The following AGBL1 variants were observed in gnomAD, a reference collection of about 807,000 sequenced individuals.
AGBL1 encodes the protein cytosolic carboxypeptidase 4.
AGBL1 carries 130 observed loss-of-function variants against 118.9 expected under a neutral mutation model. The observed-to-expected ratio is 1.09, with a 90% CI of 0.95 to 1.26. AGBL1 has a LOEUF of 1.26. AGBL1 is among the 50% of genes most tolerant of loss of function. The pLI is 0.00. For missense variants in AGBL1, 1,584 were observed against 1,298.1 expected, an observed-to-expected ratio of 1.22 and a Z score of -3.38; for synonymous variants, 555 against 478.9, an observed-to-expected ratio of 1.16 and a Z score of -2.08.
chr15:86,722,103 T>C (rs555614092), intron 22 of AGBL1, among the ~76,000 whole-genome samples: 23 of 152,210 alleles, frequency 1.5e-4, no homozygotes, highest in African/African-American at 4.8e-4. Context: ...ATAGATTCAA[T>C]GCCATCCCCA....
rs183860717 is a variant in AGBL1, at chr15:86,397,533, G to A, written c.2542G>A (p.Val848Ile). 3.1e-6 allele frequency: 5 copies of A among 1,607,906 alleles called. No individual in the cohort carries two copies. The African/African-American group carries it at 6.7e-5, about 21-fold the overall frequency. ...CATACCCATGCTCAACCCAGATGGTGTCATCAACGGCAAGTATGTCAGGCA... is the reference window on the plus strand; with the variant it reads ...CATACCCATGCTCAACCCAGATGGTATCATCAACGGCAAGTATGTCAGGCA... ...KIIPMLNPDG[V>I]INGNHRCSLS... The change falls in exon 18 of 23, where the codon GTC becomes ATC. Residue 848 changes from valine (V) to isoleucine (I), a missense_variant. Physicochemically the swap from Val to Ile is conservative, Grantham distance 29 (BLOSUM62 3). Transcript: ENST00000614907.
intron 22 of AGBL1, among the ~76,000 whole-genome samples, chr15:86,844,852 G>A (rs566841308): frequency 2.0e-5 from 3 of 152,172 alleles, no homozygotes; most frequent in Non-Finnish European, 4.4e-5. Flanking sequence ...TATGTTCTAT[G>A]AGTCAATTTA....
chr15:86,658,047 T>C (rs923003521), intron 21 of AGBL1, among the ~76,000 whole-genome samples: 2 of 151,974 alleles, frequency 1.3e-5, no homozygotes, highest in African/African-American at 4.8e-5. Flanking sequence ...GTATATACTA[T>C]ATTGTATATG....
chr15:86,264,164 T>A (rs1025878682), intron 10 of AGBL1, 94 bp from the exon 11 acceptor site: 1 of 1,054,684 alleles, frequency 9.5e-7, no homozygotes, highest in African/African-American at 1.6e-5. Flanking sequence ...GATTTATGCT[T>A]AGCTCTGTGC....
At chr15:86,528,307 G>A (rs561098030) in intron 19 of AGBL1, among the ~76,000 whole-genome samples, 235 of 152,364 alleles carry the variant, frequency 1.5e-3, no homozygotes, top group African/African-American at 5.2e-3. Context: ...AAGCGCAAGG[G>A]GTCAGGGAGT....
chr15:86,534,734 A>T (rs925654230), intron 19 of AGBL1, among the ~76,000 whole-genome samples: 6 of 152,242 alleles, frequency 3.9e-5, no homozygotes, highest in African/African-American at 1.4e-4. Flanking sequence ...TATAGTCAAT[A>T]ACGTGGGTGA....
At chr15:86,737,499 C>A (rs2077619101) in intron 22 of AGBL1, among the ~76,000 whole-genome samples, 1 of 152,186 alleles carries the variant, frequency 6.6e-6, no homozygotes, top group Non-Finnish European at 1.5e-5. Flanking sequence ...AAAAGCCTAA[C>A]AAAGTGCCTA....
At chr15:86,611,556 A>G (rs2084654333) in intron 21 of AGBL1, among the ~76,000 whole-genome samples, 1 of 152,180 alleles carries the variant, frequency 6.6e-6, no homozygotes, top group Non-Finnish European at 1.5e-5. Flanking sequence ...AGGAAGAAAG[A>G]GTTAATGTCA....
At chr15:86,632,115 A>T (rs908997685) in intron 21 of AGBL1, among the ~76,000 whole-genome samples, 8 of 148,936 alleles carry the variant, frequency 5.4e-5, no homozygotes, top group Non-Finnish European at 1.0e-4. Context: ...TTTTTTTTTT[A>T]AAGTTAACCA....
chr15:86,330,750 G>A (rs1157580177), intron 17 of AGBL1, among the ~76,000 whole-genome samples: 4 of 151,782 alleles, frequency 2.6e-5, no homozygotes, highest in African/African-American at 7.3e-5. Flanking sequence ...AGGAAATGAA[G>A]GATGAAATAA....
At chr15:86,678,646 G>A (rs1273251153) in intron 22 of AGBL1, among the ~76,000 whole-genome samples, 4 of 151,956 alleles carry the variant, frequency 2.6e-5, no homozygotes, top group African/African-American at 9.7e-5. Context: ...TTGCTTTCAA[G>A]TAATTATGTT....
At chr15:86,640,588 A>G (rs1221246065) in intron 21 of AGBL1, among the ~76,000 whole-genome samples, 1 of 152,160 alleles carries the variant, frequency 6.6e-6, no homozygotes, top group Non-Finnish European at 1.5e-5. Flanking sequence ...GTAAAATAAT[A>G]TTCCACTCAA....
chr15:86,445,687 C>T (rs2082112427), intron 18 of AGBL1, among the ~76,000 whole-genome samples: 2 of 152,192 alleles, frequency 1.3e-5, no homozygotes, highest in South Asian at 4.1e-4. Flanking sequence ...GATGATTTTT[C>T]CCTCCACCTG....
chr15:86,273,420 T>C (rs1567171212), intron 15 of AGBL1, among the ~76,000 whole-genome samples: 1 of 152,226 alleles, frequency 6.6e-6, no homozygotes, highest in Non-Finnish European at 1.5e-5. Flanking sequence ...GATTGCTACA[T>C]TGTAATGTAG....
At chr15:86,668,368 T>C (rs1261194506) in intron 21 of AGBL1, among the ~76,000 whole-genome samples, 1 of 152,236 alleles carries the variant, frequency 6.6e-6, no homozygotes, top group Non-Finnish European at 1.5e-5. Context: ...ATCTCAATAG[T>C]GATGTCACTT....
exon 25 of AGBL1, chr15:87,028,876 A>T (rs370353993): frequency 5.2e-5 from 82 of 1,589,620 alleles, no homozygotes; most frequent in East Asian, 1.1e-4. Context: ...ATTGAAGTTC[A>T]TGCCATGTGC....
intron 21 of AGBL1, among the ~76,000 whole-genome samples, chr15:86,649,824 T>G (rs2085341560): frequency 1.3e-5 from 2 of 152,064 alleles, no homozygotes; most frequent in Non-Finnish European, 2.9e-5. Flanking sequence ...ATACAATTAA[T>G]GATTGCATTA....
In AGBL1 at chr15:86,428,951, G is replaced by A. The variant is rs116260228; in HGVS notation, c.2555+31405G>A. On this transcript the variant is annotated intron_variant, in intron 18 of 22. Transcript: ENST00000614907. ...GATTCCATGGTGTGTCCCTGACGAGGTGGTGTCTTTGGGACCAGTGCTACT... is the reference window on the plus strand; with the variant it reads ...GATTCCATGGTGTGTCCCTGACGAGATGGTGTCTTTGGGACCAGTGCTACT... Among the ~76,000 whole-genome samples the A allele has an allele frequency of 1.3e-4, 20 of 152,348 alleles. No homozygotes were observed. In the East Asian group the frequency reaches 2.1e-3, roughly 16 times the overall value.
chr15:86,236,693 G>A (rs62013794), intron 6 of AGBL1, among the ~76,000 whole-genome samples: 4,115 of 151,864 alleles, frequency 0.027, 67 homozygotes, highest in Middle Eastern at 0.048. Flanking sequence ...GAAGGAAGAA[G>A]CCTCCCCATA....
Sources: allele counts gnomAD v4.1 joint callset (sites outside exome capture counted in the v4.1 genomes callset), GRCh38; gene constraint gnomAD v4.1.1; transcripts MANE v1.5; gene names NCBI Gene and HGNC (gene_info 2026-07-23, HGNC 2026-07-21).